ABCC6: variants seen among roughly 807,000 people sequenced by gnomAD.
The protein encoded by ABCC6 is ATP-binding cassette sub-family C member 6.
In ABCC6, 126 loss-of-function variants were observed where a neutral mutation model predicts 169.5. The ratio of observed to expected loss-of-function variants is 0.74; its 90% CI spans 0.64 to 0.86. The LOEUF is 0.86. ABCC6 is among the 40% of genes least tolerant of loss of function. The probability of loss-of-function intolerance (pLI) is 0.00; values close to 1 mark genes in which losing one functional copy is unlikely to be tolerated. For missense variants in ABCC6, 1,733 were observed against 1,927.2 expected (o/e 0.90, Z 1.89); for synonymous variants, 752 against 814.7 (o/e 0.92, Z 1.31).
intron 29 of ABCC6, 90 bp downstream of exon 29, chr16:16,154,538 G>A: frequency 1.3e-6 from 2 of 1,501,910 alleles, no homozygotes; most frequent in Non-Finnish European, 1.8e-6. Context: ...AATCCTATCG[G>A]GGGAGGCATT....
chr16:16,150,455 G>A (rs1200020881), intron 30 of ABCC6, 123 bp downstream of exon 30: 22 of 1,500,448 alleles, frequency 1.5e-5, no homozygotes, highest in African/African-American at 4.2e-5. Context: ...CATTCCTCCC[G>A]CTCTGGCCCC....
At chr16:16,150,806 C>G in intron 29 of ABCC6, 34 bp from the exon 30 acceptor site, 1 of 1,606,082 alleles carries the variant, frequency 6.2e-7, no homozygotes, top group Non-Finnish European at 8.5e-7. Context: ...CTGGGACGTG[C>G]GTTTGTCGGC....
At chr16:16,184,900 G>A in intron 15 of ABCC6, 59 bp downstream of exon 15, 1 of 1,538,324 alleles carries the variant, frequency 6.5e-7, no homozygotes, top group Non-Finnish European at 9.0e-7. Context: ...GGCAGCAGGA[G>A]CCCCATGCAT....
At chr16:16,162,270 T>C (rs923337756) in intron 24 of ABCC6, among the ~76,000 whole-genome samples, 1 of 152,150 alleles carries the variant, frequency 6.6e-6, no homozygotes, top group African/African-American at 2.4e-5. Context: ...GGACTTCACA[T>C]GTATTGAGCA....
At position 16,202,116 on chromosome 16, in the gene ABCC6, A is replaced by G; in HGVS notation, c.1061T>C (p.Val354Ala). 3 of 1,613,976 alleles carry G rather than the reference A, an allele frequency of 1.9e-6. No individual in the cohort carries two copies. Among genetic ancestry groups the G allele is most frequent in the Non-Finnish European group, 2.5e-6 (3 of 1,179,876 alleles). Residue 354 changes from valine to alanine, a missense_variant, in exon 9 of 31, where the codon GTG becomes GCG. Coordinates refer to ENST00000205557, the MANE Select transcript of ABCC6 (RefSeq NM_001171.6). ...CAGGCAGGCTGAGAGGAACATCAGC[A>G]CGGCGAGGAGGTAGCCCTTCCAGGC... ...PPAWKGYLLAVLMFLSACLQT... is the reference protein window; with the variant it reads ...PPAWKGYLLAALMFLSACLQT...
rs72664295 is a variant in ABCC6 at position 16,201,995 on chromosome 16, G to A, written c.1176+6C>T. ...GGAAGACCTGCCCTTGTCCCCCAGG[G>A]CTCACCTTTCTGTACACCAGGCCAG... On this transcript the variant is annotated splice_donor_region_variant and intron_variant, in intron 9 of 30. Transcript: ENST00000205557. 10 of 1,613,970 alleles carry A rather than the reference G, an allele frequency of 6.2e-6. No individual in the cohort carries two copies. Among genetic ancestry groups the A allele is most frequent in the Non-Finnish European group, 8.5e-6 (10 of 1,179,872 alleles).
chr16:16,182,886 C>T lies in ABCC6; in HGVS notation c.1988G>A (p.Gly663Asp). ...VPQGCLLAVV[G>D]PVGAGKSSLL... ...GGAGGACTTCCCTGCCCCCACTGGA[C>T]CGACAACAGCCAGCAGACAGCCCTG... The change falls in exon 16 of 31, where the codon GGT (glycine) becomes GAT (aspartate). Residue 663 changes from glycine (G) to aspartate (D), a missense_variant. Physicochemically the swap from Gly to Asp is moderately conservative, Grantham distance 94. Transcript: ENST00000205557. 6.2e-7 allele frequency: 1 copy of T among 1,614,034 alleles called. No homozygotes were observed. The highest frequency in any genetic ancestry group is 2.2e-5 in the East Asian group (1 of 44,862).
At chr16:16,180,061 A>G (rs2047418503) in intron 17 of ABCC6, among the ~76,000 whole-genome samples, 1 of 152,186 alleles carries the variant, frequency 6.6e-6, no homozygotes, top group South Asian at 2.1e-4. Flanking sequence ...TGTGCAGTTT[A>G]CAGTAGGGTT....
At chr16:16,196,145 G>T (rs1175848555) in intron 10 of ABCC6, among the ~76,000 whole-genome samples, 4 of 150,072 alleles carry the variant, frequency 2.7e-5, no homozygotes, top group African/African-American at 9.9e-5. Flanking sequence ...GGGAGGTGGA[G>T]GTTGCAGTGA....
chr16:16,223,192 G>C, intron 1 of ABCC6: 1 of 636,044 alleles, frequency 1.6e-6, no homozygotes, highest in Non-Finnish European at 2.8e-6. Flanking sequence ...TGGGAGGTCT[G>C]GTGGCCCCTT....
chr16:16,152,117 G>A (rs1359296971), intron 29 of ABCC6, among the ~76,000 whole-genome samples: 5 of 131,898 alleles, frequency 3.8e-5, no homozygotes, highest in South Asian at 3.0e-4. Flanking sequence ...GTGTGAACCC[G>A]GGAGGCAGAG....
chr16:16,189,275 G>A (rs185495153), intron 12 of ABCC6, among the ~76,000 whole-genome samples: 2 of 152,320 alleles, frequency 1.3e-5, no homozygotes, highest in Admixed American at 1.3e-4. Context: ...CAGGCATCGG[G>A]GGACAGCAGA....
intron 29 of ABCC6, among the ~76,000 whole-genome samples, 170 bp downstream of exon 29, chr16:16,154,458 T>TA (rs1266936932): frequency 6.6e-6 from 1 of 152,178 alleles, no homozygotes; most frequent in Non-Finnish European, 1.5e-5. Flanking sequence ...AAAACCTTGG[T>TA]ATTCAGAGAC....
At chr16:16,155,440 A>G (rs1287032711) in intron 27 of ABCC6, 3 of 250,986 alleles carry the variant, frequency 1.2e-5, no homozygotes, top group African/African-American at 4.5e-5. Context: ...TCCATCCTCA[A>G]TCCCATCCCT....
intron 1 of ABCC6, 135 bp from the exon 2 acceptor site, chr16:16,221,966 C>A: frequency 7.4e-7 from 1 of 1,354,472 alleles, no homozygotes; most frequent in Non-Finnish European, 1.0e-6. Context: ...GGAATACCTA[C>A]TAATTCTCAA....
chr16:16,156,890 C>G (rs988483229), intron 27 of ABCC6, among the ~76,000 whole-genome samples: 1 of 140,930 alleles, frequency 7.1e-6, no homozygotes, highest in African/African-American at 2.6e-5. Flanking sequence ...TTGCAGTGAT[C>G]TAAGGTCACA....
At position 16,203,746 on chromosome 16, in the gene ABCC6, C is replaced by T. The variant is rs1266546958; in HGVS notation, c.795-133G>A. ...TGTGGATCTAGCCTGGCTCCCTCAC[C>T]TGTTCCTCCTTATCACCCTGAGTAC... On this transcript the variant is annotated intron_variant, in intron 7 of 30. Transcript: ENST00000205557. The T allele has an allele frequency of 4.1e-6, 4 of 979,594 alleles. No individual in the cohort carries two copies. In the Admixed American group the frequency reaches 8.0e-5, roughly 20 times the overall value. The allele number at this position is 979,594 out of a possible 1,614,324, so 60.7% of individuals were successfully genotyped here.
At chr16:16,168,491 ATG>A (rs537512947) in intron 22 of ABCC6, among the ~76,000 whole-genome samples, 1 of 151,802 alleles carries the variant, frequency 6.6e-6, no homozygotes. Context: ...GTCTATATAT[ATG>A]TGTGTGTGTG....
At chr16:16,200,429 GAAAAAA>G (rs773448065) in intron 9 of ABCC6, among the ~76,000 whole-genome samples, 5 of 46,986 alleles carry the variant, frequency 1.1e-4, no homozygotes, top group African/African-American at 3.7e-4. Context: ...AACTCTGTCA[GAAAAAA>G]AAAAAAAAAA....
Sources: gnomAD v4.1 joint callset for allele counts (sites outside exome capture counted in the v4.1 genomes callset) on GRCh38, gnomAD v4.1.1 for gene constraint, MANE v1.5 for transcripts, NCBI Gene and HGNC (gene_info 2026-07-23, HGNC 2026-07-21) for gene names.